The following TBCD variants were observed in gnomAD, a reference collection of about 807,000 sequenced individuals.
TBCD encodes the protein tubulin-specific chaperone D.
A neutral mutation model predicts 169.3 loss-of-function variants in TBCD; 105 were observed. The observed-to-expected ratio is 0.62, with a 90% CI of 0.53 to 0.73. TBCD has a LOEUF of 0.73. Among genes scored for constraint, TBCD ranks in the 30% least tolerant of loss-of-function variants. TBCD has a pLI of 0.00. For synonymous variants in TBCD, 700 were observed against 643.9 expected, an observed-to-expected ratio of 1.09 and a Z score of -1.32; for missense variants, 1,444 against 1,600.1, an observed-to-expected ratio of 0.90 and a Z score of 1.66.
chr17:82,800,938 G>A lies in TBCD; in HGVS notation c.892G>A (p.Val298Met). Residue 298 changes from valine (V) to methionine (M), a missense_variant, in exon 9 of 39, where the codon GTG (valine) becomes ATG (methionine). By Grantham distance (21) the Val-to-Met change is conservative. Coordinates refer to ENST00000355528, the MANE Select transcript of TBCD (RefSeq NM_005993.5). ...CCAGACCCTGCTGCGGAAGCTGGGG[G>A]TGAAGCTTGTGCAGCGACTGGGGCT... ...SNQTLLRKLG[V>M]KLVQRLGLTF... 1 of 1,612,452 alleles carries A rather than the reference G, an allele frequency of 6.2e-7. No homozygotes were observed. Among genetic ancestry groups the A allele is most frequent in the Non-Finnish European group, 8.5e-7 (1 of 1,179,502 alleles).
intron 36 of TBCD, 69 bp from the exon 37 acceptor site, chr17:82,939,298 G>T: frequency 7.7e-7 from 1 of 1,293,986 alleles, no homozygotes; most frequent in Non-Finnish European, 1.1e-6. Context: ...CCTGGCCTGG[G>T]TCCTGTCGTC....
chr17:82,932,839 C>G, intron 34 of TBCD, 104 bp downstream of exon 34: 1 of 1,175,702 alleles, frequency 8.5e-7, no homozygotes. Context: ...AGGAAATGAT[C>G]TTCCAGTGCG....
chr17:82,838,271 T>G (rs1206886556), intron 13 of TBCD, among the ~76,000 whole-genome samples: 3 of 152,120 alleles, frequency 2.0e-5, no homozygotes, highest in Admixed American at 6.5e-5. Context: ...TAGTGAGAAG[T>G]TGGGATGCTT....
In TBCD at chr17:82,893,583, G is replaced by A. The variant is rs1384200926; in HGVS notation, c.1600G>A (p.Ala534Thr). ...FPHGIDILTT[A>T]DYFAVGNRSN... The stretch of plus-strand genomic sequence containing the variant: ...TCATGGTATTGATATTTTGACCACA[G>A]CTGACTATTTTGCCGTCGGTAACAG... Residue 534 changes from alanine to threonine, a missense_variant, in exon 17 of 39, where the codon GCT (alanine) becomes ACT (threonine). Transcript: ENST00000355528. 1.9e-6 allele frequency: 3 copies of A among 1,612,176 alleles called. No individual in the cohort carries two copies. The highest frequency in any genetic ancestry group is 3.3e-5 in the Admixed American group (2 of 59,730).
chr17:82,938,279 C>A, intron 36 of TBCD, 143 bp downstream of exon 36: 2 of 927,692 alleles, frequency 2.2e-6, no homozygotes, highest in Non-Finnish European at 3.3e-6. Flanking sequence ...CGACGCGTCA[C>A]AGGCACGCGG....
In TBCD at chr17:82,766,252, C is replaced by T. The variant is rs1177457957; in HGVS notation, c.334-15C>T. On this transcript the variant is annotated splice_polypyrimidine_tract_variant and intron_variant, in intron 3 of 38. Coordinates refer to ENST00000355528, the MANE Select transcript of TBCD (RefSeq NM_005993.5). ...ATTTTTAAATGTTATAATTCAGCAT[C>T]TCTTTATTTGATAGGTTCGAGGCTA... is the stretch of plus-strand genomic sequence containing the variant. 1.9e-6 allele frequency: 3 copies of T among 1,593,020 alleles called. No individual in the cohort carries two copies. Among genetic ancestry groups the T allele is most frequent in the African/African-American group, 1.3e-5 (1 of 74,706 alleles).
chr17:82,775,091 C>T (rs570438191), intron 6 of TBCD, among the ~76,000 whole-genome samples: 15 of 152,372 alleles, frequency 9.8e-5, no homozygotes, highest in African/African-American at 3.4e-4. Context: ...GTGGGGTCCT[C>T]CGGGAAAAGA....
Position 82,752,334 on chromosome 17 carries a change from C to T in TBCD, c.141C>T (p.His47=), listed in dbSNP as rs562033780. 5.1e-5 allele frequency: 72 copies of T among 1,424,860 alleles called. No homozygotes were observed. The highest frequency in any genetic ancestry group is 1.3e-4 in the South Asian group (9 of 68,348). The allele number at this position is 1,424,860 out of a possible 1,614,324, so 88.3% of individuals were successfully genotyped here. ...RALLGRLREV[H]GGGAEREVAL... ...TGCTGGGCCGCCTGCGGGAGGTGCA[C>T]GGCGGCGGCGCGGAGCGCGAGGTGG... Residue 47 remains histidine, a synonymous_variant, in exon 1 of 39, where the codon CAC becomes CAT. Coordinates refer to ENST00000355528, the MANE Select transcript of TBCD (RefSeq NM_005993.5).
chr17:82,868,675 G>C (rs2057352929), intron 13 of TBCD, among the ~76,000 whole-genome samples: 1 of 152,182 alleles, frequency 6.6e-6, no homozygotes, highest in Admixed American at 6.5e-5. Context: ...AAAAGTCAGA[G>C]GGGAAATTTG....
At position 82,830,971 on chromosome 17, in the gene TBCD, C is replaced by T. The variant is rs1435896955; in HGVS notation, c.1318+16037C>T. On this transcript the variant is annotated intron_variant, in intron 13 of 38. Coordinates refer to ENST00000355528, the MANE Select transcript of TBCD (RefSeq NM_005993.5). ...CAAGTATAAGCCTGGCTCATGGAAC[C>T]CAACCAGAAACATTCCCTTGGAGGT... The T allele has an allele frequency of 3.1e-6, 5 of 1,613,358 alleles. No homozygotes were observed. The South Asian group carries it at 5.5e-5, about 18-fold the overall frequency.
chr17:82,937,791 G>A (rs1328864445), intron 35 of TBCD: 2 of 1,341,180 alleles, frequency 1.5e-6, no homozygotes, highest in African/African-American at 1.5e-5. Context: ...GGTCCTCATG[G>A]CAGGGCGAGC....
chr17:82,829,489 A>G (rs1048679095), intron 13 of TBCD: 2 of 153,228 alleles, frequency 1.3e-5, no homozygotes, highest in African/African-American at 4.8e-5. Flanking sequence ...TATGGTTCAT[A>G]TGAGTTTATT....
intron 13 of TBCD, among the ~76,000 whole-genome samples, chr17:82,842,027 G>GTC (rs1356260346): frequency 1.3e-5 from 2 of 152,256 alleles, no homozygotes; most frequent in African/African-American, 2.4e-5. Flanking sequence ...TTGTCAGGGT[G>GTC]TCCCTTCTGT....
Position 82,930,142 on chromosome 17 carries a change from A to G in TBCD, c.2992-380A>G. ...CTGCGCCGTGCGGGCGCGTGCGGGG[A>G]GACCCGGGCCACATGCGAGCGGGGC... On this transcript the variant is annotated intron_variant, in intron 32 of 38. Coordinates refer to ENST00000355528, the MANE Select transcript of TBCD (RefSeq NM_005993.5). This position sits in a 1 kb window ranked among gnomAD's most constrained non-coding sequence, Gnocchi z 5.2. 1 of 280,452 alleles carries G rather than the reference A, an allele frequency of 3.6e-6. No individual in the cohort carries two copies. Among genetic ancestry groups the G allele is most frequent in the Non-Finnish European group, 6.9e-6 (1 of 145,702 alleles). 17.4% of individuals were successfully genotyped at this position (280,452 alleles called of 1,614,324 possible). A position where few individuals can be genotyped will look rare whatever the true frequency, so the allele number is the denominator to read the frequency against.
At chr17:82,852,235 C>T (rs191786847) in intron 13 of TBCD, among the ~76,000 whole-genome samples, 160 of 151,460 alleles carry the variant, frequency 1.1e-3, no homozygotes, top group African/African-American at 3.6e-3. Flanking sequence ...AACCGTGCCC[C>T]CTGTGGTCCT....
At chr17:82,918,198 C>T (rs552443551) in intron 23 of TBCD, 44 of 152,746 alleles carry the variant, frequency 2.9e-4, no homozygotes, top group Non-Finnish European at 3.8e-4. Flanking sequence ...TGTGCGGTTT[C>T]GTGGCTTCAT....
chr17:82,761,499 T>C (rs754383462), intron 2 of TBCD, among the ~76,000 whole-genome samples: 34 of 152,036 alleles, frequency 2.2e-4, no homozygotes, highest in Non-Finnish European at 4.4e-4. Context: ...TCCCAAGGAG[T>C]TACTTGATGT....
At chr17:82,883,384 T>A (rs1024814378) in intron 14 of TBCD, among the ~76,000 whole-genome samples, 3 of 152,266 alleles carry the variant, frequency 2.0e-5, no homozygotes, top group African/African-American at 4.8e-5. Context: ...CCCCCTGTGT[T>A]CTGTGCAACG....
rs1289102462 is a variant in TBCD at position 82,920,644 on chromosome 17, G to A, written c.2101+26G>A. The A allele has an allele frequency of 2.0e-6, 3 of 1,524,208 alleles. No individual in the cohort carries two copies. Among genetic ancestry groups the A allele is most frequent in the South Asian group, 2.5e-5 (2 of 81,198 alleles). 94.4% of individuals were successfully genotyped at this position (1,524,208 alleles called of 1,614,324 possible). On this transcript the variant is annotated intron_variant, in intron 24 of 38. Transcript: ENST00000355528. The surrounding 1 kb of genome is among the most constrained non-coding windows in gnomAD (Gnocchi z 4.1). ...GTAAGTGCTTTTGTTTTTAATAATA[G>A]CATTTTCTTACAGAATGACTTCAGA...
Sources: allele counts gnomAD v4.1 joint callset (sites outside exome capture counted in the v4.1 genomes callset), GRCh38; gene constraint gnomAD v4.1.1; non-coding constraint Gnocchi (gnomAD v3.1); transcripts MANE v1.5; gene names NCBI Gene and HGNC (gene_info 2026-07-23, HGNC 2026-07-21).